Variants in NEDD4 observed in about 807,000 individuals in gnomAD.
NEDD4 encodes E3 ubiquitin-protein ligase NEDD4.
NEDD4 carries 99 observed loss-of-function variants against 144.9 expected under a neutral mutation model. The observed-to-expected ratio is 0.68, with a 90% CI of 0.58 to 0.81. The LOEUF is 0.81. Among genes scored for constraint, NEDD4 ranks in the 30% least tolerant of loss-of-function variants. The pLI is 0.00. For synonymous variants in NEDD4, 318 were observed against 350.6 expected (o/e 0.91, Z 1.04); for missense variants, 985 against 1,065.9 (o/e 0.92, Z 1.06).
In NEDD4 at chr15:55,832,506, C is replaced by T. The variant is rs35401278; in HGVS notation, c.2527+502G>A. On this transcript the variant is annotated intron_variant, in intron 27 of 28. Transcript: ENST00000435532. ...CTTGGCTCACTGCAACGTCCGCCTC[C>T]TGGGTTCAAGCAATTCTCCTGCCTC... 1.3e-3 allele frequency among the ~76,000 whole-genome samples: 200 copies of T among 152,276 alleles called. 1 individual carries two copies. Among genetic ancestry groups the T allele is most frequent in the African/African-American group, 4.7e-3 (195 of 41,546 alleles).
intron 23 of NEDD4, 33 bp downstream of exon 23, chr15:55,838,074 A>G (rs371845577): frequency 3.9e-6 from 5 of 1,269,190 alleles, no homozygotes; most frequent in Non-Finnish European, 5.6e-6. Flanking sequence ...ACAAAATTAT[A>G]TCCAATAAAA....
chr15:55,906,224 C>T (rs151209943), intron 5 of NEDD4, among the ~76,000 whole-genome samples: 4,046 of 152,226 alleles, frequency 0.027, 188 homozygotes, highest in African/African-American at 0.093. Context: ...GACAGTGTGG[C>T]GATTCCTCAC....
At chr15:55,927,544 G>A (rs1397383375) in intron 4 of NEDD4, among the ~76,000 whole-genome samples, 5 of 152,184 alleles carry the variant, frequency 3.3e-5, no homozygotes, top group African/African-American at 4.8e-5. Context: ...TGTTCCTCCC[G>A]TCATGGCCTC....
At chr15:55,883,678 AACACACACACACACACAAACACACAC>A (rs1245955169) in intron 5 of NEDD4, among the ~76,000 whole-genome samples, 4 of 139,376 alleles carry the variant, frequency 2.9e-5, no homozygotes, top group African/African-American at 8.2e-5. Context: ...CAGGCATCTC[AACACACACACACACACAAACACACAC>A]ACACACACAC....
intron 18 of NEDD4, among the ~76,000 whole-genome samples, chr15:55,846,393 T>C (rs1176229761): frequency 6.6e-6 from 1 of 152,172 alleles, no homozygotes; most frequent in Admixed American, 6.5e-5. Flanking sequence ...ATGAAACAGA[T>C]GGCCAGATGA....
intron 2 of NEDD4, among the ~76,000 whole-genome samples, chr15:55,961,600 A>T (rs1392305502): frequency 2.6e-5 from 4 of 152,000 alleles, no homozygotes; most frequent in Non-Finnish European, 4.4e-5. Flanking sequence ...CCTCCCGAGC[A>T]GCTGGGACTA....
At chr15:55,837,742 G>T in intron 24 of NEDD4, 47 bp downstream of exon 24, 1 of 1,417,442 alleles carries the variant, frequency 7.1e-7, no homozygotes, top group South Asian at 1.2e-5. Flanking sequence ...GAAACTTATA[G>T]GTTATACTGT....
At chr15:55,988,487 T>TAAAAAAAAAAAAAAAAAAAA (rs56688563) in intron 1 of NEDD4, among the ~76,000 whole-genome samples, 51 of 101,640 alleles carry the variant, frequency 5.0e-4, no homozygotes, top group Admixed American at 6.6e-4. Context: ...AAAAAAAAAT[T>TAAAAAAAAAAAAAAAAAAAA]AAAAAAAAAA....
chr15:55,860,868 C>T (rs1444620798), intron 9 of NEDD4, 90 bp from the exon 10 acceptor site: 1 of 1,115,634 alleles, frequency 9.0e-7, no homozygotes, highest in Non-Finnish European at 1.3e-6. Flanking sequence ...AAAAAATCTA[C>T]ATTACATCAA....
intron 4 of NEDD4, among the ~76,000 whole-genome samples, chr15:55,950,573 T>C (rs1477528537): frequency 6.6e-6 from 1 of 152,130 alleles, no homozygotes; most frequent in East Asian, 1.9e-4. Context: ...TAAGATGAAC[T>C]TGGCAGCAGG....
intron 5 of NEDD4, among the ~76,000 whole-genome samples, chr15:55,906,721 T>C (rs1014192738): frequency 2.0e-5 from 3 of 152,166 alleles, no homozygotes; most frequent in African/African-American, 7.2e-5. Flanking sequence ...ACATGGCACA[T>C]GTATACATAT....
rs146402026 is a variant in NEDD4, at chr15:55,958,100, C to T, written c.120-6511G>A. Among the ~76,000 whole-genome samples, 1,308 of 152,022 alleles carry T rather than the reference C, an allele frequency of 8.6e-3. 22 individuals are homozygous for T. Among genetic ancestry groups the T allele is most frequent in the African/African-American group, 0.03 (1,260 of 41,460 alleles). ...AACCTGCACATTGTGCACATGTACCCTAGAACTTAACGTATAATAAAAAAA... is the reference window on the plus strand; with the variant it reads ...AACCTGCACATTGTGCACATGTACCTTAGAACTTAACGTATAATAAAAAAA... On this transcript the variant is annotated intron_variant, in intron 2 of 28. Coordinates refer to ENST00000435532, the MANE Select transcript of NEDD4 (RefSeq NM_006154.4).
intron 5 of NEDD4, among the ~76,000 whole-genome samples, chr15:55,918,585 TA>T (rs57813475): frequency 0.42 from 62,856 of 148,024 alleles, 13,053 homozygotes; most frequent in East Asian, 0.49. Context: ...CATACTTTGT[TA>T]AAAAAAAAAA....
intron 18 of NEDD4, among the ~76,000 whole-genome samples, chr15:55,844,989 T>C (rs541108202): frequency 3.7e-4 from 57 of 152,036 alleles, no homozygotes; most frequent in Non-Finnish European, 6.8e-4. Flanking sequence ...ATATTCTTTA[T>C]TTCTGTTTTG....
chr15:55,832,966 C>G (rs181443404), intron 27 of NEDD4, 42 bp downstream of exon 27: 1 of 1,298,672 alleles, frequency 7.7e-7, no homozygotes, highest in South Asian at 1.2e-5. Context: ...AAAGACAATA[C>G]GCATTATTCC....
At position 55,860,450 on chromosome 15, in the gene NEDD4, G is replaced by T. The variant is rs2034355055; in HGVS notation, c.917C>A (p.Thr306Asn). 2 of 1,614,136 alleles carry T rather than the reference G, an allele frequency of 1.2e-6. No individual in the cohort carries two copies. Among genetic ancestry groups the T allele is most frequent in the Middle Eastern group, 1.6e-4 (1 of 6,062 alleles). ...HLAEELNARL[T>N]IFGNSAVSQP... is the part of the protein sequence containing the mutation. ...GCTCACGGCTGAATTTCCAAAAATGGTGAGTCTGGCATTCAATTCTTCTGC... is the reference window on the plus strand; with the variant it reads ...GCTCACGGCTGAATTTCCAAAAATGTTGAGTCTGGCATTCAATTCTTCTGC... The change falls in exon 11 of 29, where the codon ACC becomes AAC. Residue 306 changes from threonine to asparagine, a missense_variant. Coordinates refer to ENST00000435532, the MANE Select transcript of NEDD4 (RefSeq NM_006154.4).
At chr15:55,945,981 C>A (rs988851755) in intron 4 of NEDD4, among the ~76,000 whole-genome samples, 2 of 152,154 alleles carry the variant, frequency 1.3e-5, no homozygotes, top group African/African-American at 4.8e-5. Context: ...ACCAGGCCTG[C>A]CTTACAAGAG....
intron 5 of NEDD4, among the ~76,000 whole-genome samples, chr15:55,898,029 C>A (rs2035793209): frequency 6.6e-6 from 1 of 152,218 alleles, no homozygotes; most frequent in Admixed American, 6.5e-5. Flanking sequence ...CTTCCATTGA[C>A]ATTACCCCAC....
At chr15:55,966,828 T>C (rs2037521117) in intron 1 of NEDD4, among the ~76,000 whole-genome samples, 1 of 152,194 alleles carries the variant, frequency 6.6e-6, no homozygotes, top group Admixed American at 6.5e-5. Context: ...GTATTGCAAC[T>C]AATAGGAATT....
Sources: allele counts gnomAD v4.1 joint callset (sites outside exome capture counted in the v4.1 genomes callset), GRCh38; gene constraint gnomAD v4.1.1; transcripts MANE v1.5; gene names NCBI Gene and HGNC (gene_info 2026-07-23, HGNC 2026-07-21).